MAGI2: variants seen among roughly 807,000 people sequenced by gnomAD.
MAGI2 encodes the protein membrane-associated guanylate kinase, WW and PDZ domain-containing protein 2.
MAGI2 carries 35 observed loss-of-function variants against 133.3 expected under a neutral mutation model. That is an observed-to-expected ratio of 0.26 (90% confidence interval 0.20 to 0.35). The LOEUF (loss-of-function observed/expected upper bound fraction) is 0.35. Among genes scored for constraint, MAGI2 ranks in the 10% least tolerant of loss-of-function variants. The pLI, the probability that MAGI2 is intolerant of heterozygous loss-of-function variation, is 1.00. For missense variants in MAGI2, 1,636 were observed against 1,863.4 expected (o/e 0.88, Z 2.25); for synonymous variants, 729 against 710.6 (o/e 1.03, Z -0.41).
chr7:79,185,240 G>C (rs1465179408), intron 1 of MAGI2, among the ~76,000 whole-genome samples: 1 of 151,858 alleles, frequency 6.6e-6, no homozygotes. Context: ...AACTCCATTG[G>C]TATCTTTCTA....
chr7:78,276,692 T>G (rs1362865177), intron 9 of MAGI2, among the ~76,000 whole-genome samples: 1 of 152,188 alleles, frequency 6.6e-6, no homozygotes, highest in Non-Finnish European at 1.5e-5. Context: ...ACCTTACATA[T>G]TATATGTATA....
At chr7:78,536,081 A>G (rs1409723609) in intron 3 of MAGI2, among the ~76,000 whole-genome samples, 1 of 142,260 alleles carries the variant, frequency 7.0e-6, no homozygotes, top group Non-Finnish European at 1.5e-5. Context: ...CCTCCCATAC[A>G]GCTGGCTCTG....
intron 2 of MAGI2, among the ~76,000 whole-genome samples, chr7:78,890,250 A>C (rs1796629699): frequency 6.6e-6 from 1 of 152,212 alleles, no homozygotes; most frequent in Middle Eastern, 3.2e-3. Context: ...ACCTACAAAG[A>C]GACTTAGACA....
chr7:78,613,521 T>A (rs1806705173), intron 3 of MAGI2, among the ~76,000 whole-genome samples: 4 of 152,186 alleles, frequency 2.6e-5, no homozygotes, highest in Admixed American at 2.6e-4. Context: ...TAGTAGAGAA[T>A]TCACAAAGGA....
chr7:79,223,246 T>C (rs866061862), intron 1 of MAGI2, among the ~76,000 whole-genome samples: 5 of 152,174 alleles, frequency 3.3e-5, no homozygotes, highest in Middle Eastern at 6.8e-3. Context: ...TTCTCATTTA[T>C]GTTGTTTTTA....
chr7:79,324,369 G>GTA (rs1434387092), intron 1 of MAGI2, among the ~76,000 whole-genome samples: 2 of 145,824 alleles, frequency 1.4e-5, no homozygotes, highest in Admixed American at 7.0e-5. Context: ...GTGTGTGTAT[G>GTA]TATATATATA....
intron 1 of MAGI2, among the ~76,000 whole-genome samples, chr7:79,247,209 C>A (rs1407646016): frequency 1.3e-5 from 2 of 152,212 alleles, no homozygotes; most frequent in South Asian, 4.1e-4. Flanking sequence ...TCTAAAGGTA[C>A]AAAATTCACT....
At chr7:79,255,056 A>G (rs955491765) in intron 1 of MAGI2, among the ~76,000 whole-genome samples, 2 of 152,196 alleles carry the variant, frequency 1.3e-5, no homozygotes, top group East Asian at 3.8e-4. Context: ...TTTCTAGTCC[A>G]TGTTTCTGTA....
intron 1 of MAGI2, among the ~76,000 whole-genome samples, chr7:79,103,250 G>T (rs934727933): frequency 1.1e-4 from 16 of 152,190 alleles, no homozygotes; most frequent in Admixed American, 3.3e-4. Flanking sequence ...AAATGAAGAA[G>T]CACTTTTGTG....
intron 1 of MAGI2, among the ~76,000 whole-genome samples, chr7:79,338,041 A>C (rs1840570373): frequency 6.6e-6 from 1 of 152,168 alleles, no homozygotes; most frequent in Non-Finnish European, 1.5e-5. Context: ...CAGGTTTGGC[A>C]TGCGGTAAAT....
chr7:79,000,781 A>T (rs1409428905), intron 2 of MAGI2, among the ~76,000 whole-genome samples: 6 of 152,206 alleles, frequency 3.9e-5, no homozygotes, highest in Non-Finnish European at 8.8e-5. Context: ...AGTGTGTTTT[A>T]GTTTTACTAA....
chr7:78,313,486 T>C (rs1363738384), intron 9 of MAGI2, among the ~76,000 whole-genome samples: 3 of 152,192 alleles, frequency 2.0e-5, no homozygotes, highest in East Asian at 1.9e-4. Flanking sequence ...ATTTTCCAAT[T>C]TGAATAATAA....
intron 2 of MAGI2, among the ~76,000 whole-genome samples, chr7:78,674,920 G>A (rs1256696485): frequency 6.6e-6 from 1 of 152,078 alleles, no homozygotes; most frequent in Non-Finnish European, 1.5e-5. Context: ...AATATAAAAA[G>A]CTCTTAAGAA....
chr7:78,794,905 T>G (rs921021612), intron 2 of MAGI2, among the ~76,000 whole-genome samples: 1 of 151,952 alleles, frequency 6.6e-6, no homozygotes, highest in African/African-American at 2.4e-5. Context: ...GAAAAAAAAA[T>G]TGATTTTACA....
At chr7:79,049,414 T>A (rs1359663374) in intron 1 of MAGI2, among the ~76,000 whole-genome samples, 1 of 152,160 alleles carries the variant, frequency 6.6e-6, no homozygotes, top group Non-Finnish European at 1.5e-5. Flanking sequence ...CAGGGAACTC[T>A]AAGAATTCTT....
rs188931627 is a variant in MAGI2 at position 78,969,622 on chromosome 7, A to T, written c.418+37468T>A. Among the ~76,000 whole-genome samples the T allele has an allele frequency of 3.9e-3, 597 of 152,154 alleles. 8 individuals carry two copies. Among genetic ancestry groups the T allele is most frequent in the African/African-American group, 0.014 (565 of 41,546 alleles). ...CTTTATGCAGTTTATAGCCAAAAAC[A>T]TTCTTCCTTGATAGCCTTAATTCAC... On this transcript the variant is annotated intron_variant, in intron 2 of 21. Transcript: ENST00000354212.
rs1223463880 is a variant in MAGI2, at chr7:78,052,940, TA to T, written c.3706+26006del. 5.9e-5 allele frequency among the ~76,000 whole-genome samples: 9 copies of T among 152,150 alleles called. No individual in the cohort carries two copies. The East Asian group carries it at 1.7e-3, about 29-fold the overall frequency. ...TCCCAATAGGAGACTGCTTAAATGA[TA>T]AATGTATAGAACTAAATGCTGAGCA... is the stretch of plus-strand genomic sequence containing the variant. On this transcript the variant is annotated intron_variant, in intron 21 of 21. Transcript: ENST00000354212.
At chr7:78,604,701 A>G (rs1228057434) in intron 3 of MAGI2, among the ~76,000 whole-genome samples, 2 of 152,224 alleles carry the variant, frequency 1.3e-5, no homozygotes, top group Non-Finnish European at 2.9e-5. Flanking sequence ...AAAATGAAGC[A>G]GGAAACAGGC....
intron 2 of MAGI2, among the ~76,000 whole-genome samples, chr7:78,908,505 C>T (rs1381101473): frequency 2.6e-5 from 4 of 152,080 alleles, no homozygotes; most frequent in Non-Finnish European, 1.5e-5. Flanking sequence ...AATGACTGGG[C>T]TGATATTCTA....
Sources: allele counts gnomAD v4.1 joint callset (sites outside exome capture counted in the v4.1 genomes callset), GRCh38; gene constraint gnomAD v4.1.1; transcripts MANE v1.5; gene names NCBI Gene and HGNC (gene_info 2026-07-23, HGNC 2026-07-21).